Variants in CACNA1D observed in about 807,000 individuals in gnomAD.
CACNA1D encodes the protein voltage-dependent L-type calcium channel subunit alpha-1D.
A neutral mutation model predicts 257.1 loss-of-function variants in CACNA1D; 55 were observed. The observed-to-expected ratio is 0.21, with a 90% CI of 0.17 to 0.27. The LOEUF (loss-of-function observed/expected upper bound fraction) is 0.27. CACNA1D is among the 10% of genes least tolerant of loss of function. The pLI is 1.00. For missense variants in CACNA1D, 1,876 were observed against 2,784.0 expected (o/e 0.67, Z 7.34); for synonymous variants, 980 against 1,014.9 (o/e 0.97, Z 0.65).
At chr3:53,810,336 C>T (rs145492947) in intron 47 of CACNA1D, 38 bp downstream of exon 47, 83 of 1,595,750 alleles carry the variant, frequency 5.2e-5, no homozygotes, top group Non-Finnish European at 6.9e-5. Flanking sequence ...CAGGAAGCAC[C>T]AGGAGCAGCA....
intron 9 of CACNA1D, among the ~76,000 whole-genome samples, chr3:53,710,737 G>T (rs950957802): frequency 3.3e-5 from 5 of 152,186 alleles, no homozygotes; most frequent in Non-Finnish European, 7.3e-5. Context: ...GATTCGGCAT[G>T]AATATTCTTA....
At chr3:53,711,585 A>G (rs1221510465) in intron 9 of CACNA1D, among the ~76,000 whole-genome samples, 2 of 152,224 alleles carry the variant, frequency 1.3e-5, no homozygotes, top group Non-Finnish European at 2.9e-5. Flanking sequence ...AGTCTGTTTA[A>G]GGAGATTCAG....
At chr3:53,712,586 C>A (rs1051212676) in intron 9 of CACNA1D, among the ~76,000 whole-genome samples, 1 of 152,038 alleles carries the variant, frequency 6.6e-6, no homozygotes, top group African/African-American at 2.4e-5. Flanking sequence ...CAGGCCTGTA[C>A]GTCATGGTAC....
chr3:53,632,355 G>C (rs1576165277), intron 3 of CACNA1D, among the ~76,000 whole-genome samples: 1 of 152,216 alleles, frequency 6.6e-6, no homozygotes, highest in Non-Finnish European at 1.5e-5. Flanking sequence ...TAGAATTTAA[G>C]AGAGTTAGGG....
intron 20 of CACNA1D, among the ~76,000 whole-genome samples, chr3:53,737,417 A>G (rs2095069279): frequency 6.6e-6 from 1 of 152,196 alleles, no homozygotes; most frequent in Non-Finnish European, 1.5e-5. Context: ...CTACAGGAGG[A>G]TGTGCATAGA....
intron 30 of CACNA1D, chr3:53,766,218 CAG>C (rs1390033452): frequency 1.3e-5 from 2 of 152,280 alleles, no homozygotes; most frequent in Non-Finnish European, 2.9e-5. Flanking sequence ...AGGTGGCTGA[CAG>C]TCTCACTCAT....
intron 3 of CACNA1D, among the ~76,000 whole-genome samples, chr3:53,538,353 C>T (rs1483129567): frequency 1.3e-5 from 2 of 151,962 alleles, no homozygotes; most frequent in Non-Finnish European, 2.9e-5. Flanking sequence ...GATGGGGTTT[C>T]ACTGTGTTGC....
intron 3 of CACNA1D, among the ~76,000 whole-genome samples, chr3:53,571,358 T>G (rs906483468): frequency 6.6e-6 from 1 of 152,126 alleles, no homozygotes. Context: ...TCACAAACAC[T>G]TTTCTCCACC....
At chr3:53,726,747 A>T (rs1406636882) in intron 14 of CACNA1D, 132 bp from the exon 15 acceptor site, 8 of 982,474 alleles carry the variant, frequency 8.1e-6, no homozygotes, top group African/African-American at 1.6e-5. Flanking sequence ...GGGATAACAG[A>T]TGGATTTGTT....
chr3:53,590,947 T>G (rs903509474), intron 3 of CACNA1D, among the ~76,000 whole-genome samples: 1 of 152,218 alleles, frequency 6.6e-6, no homozygotes, highest in Non-Finnish European at 1.5e-5. Context: ...TTCTCTTATG[T>G]ATGGGCTTTC....
chr3:53,747,872 A>G (rs943965257), intron 26 of CACNA1D, among the ~76,000 whole-genome samples: 10 of 152,160 alleles, frequency 6.6e-5, no homozygotes. Flanking sequence ...TTTACTGAGC[A>G]CCTGCTCGCT....
At chr3:53,786,991 C>A (rs749413408) in intron 40 of CACNA1D, 39 bp downstream of exon 40, 1 of 1,607,872 alleles carries the variant, frequency 6.2e-7, no homozygotes, top group South Asian at 1.1e-5. Context: ...TTTTGACTAA[C>A]GATTTTACAA....
intron 39 of CACNA1D, among the ~76,000 whole-genome samples, chr3:53,784,675 A>G (rs188464814): frequency 6.6e-6 from 1 of 152,226 alleles, no homozygotes; most frequent in Admixed American, 6.5e-5. Flanking sequence ...CACAGAGAAG[A>G]CACAGAGCCC....
In CACNA1D at chr3:53,787,730, G is replaced by A. The variant is rs1180629456; in HGVS notation, c.4923+778G>A. On this transcript the variant is annotated intron_variant, in intron 40 of 47. Transcript: ENST00000350061. ...TGGAGGGGCAAGGAAGGCACCATGAGGACCAGCAGGAAGAGGGGCTAGGAA... is the reference window on the plus strand; with the variant it reads ...TGGAGGGGCAAGGAAGGCACCATGAAGACCAGCAGGAAGAGGGGCTAGGAA... Among the ~76,000 whole-genome samples the A allele has an allele frequency of 3.3e-5, 5 of 152,110 alleles. 1 individual carries two copies. The highest frequency in any genetic ancestry group is 4.8e-5 in the African/African-American group (2 of 41,420).
chr3:53,709,771 G>A (rs1218000012), intron 9 of CACNA1D, among the ~76,000 whole-genome samples: 2 of 152,204 alleles, frequency 1.3e-5, no homozygotes, highest in Non-Finnish European at 2.9e-5. Context: ...GACAGTAGTG[G>A]TGGTTGATTG....
chr3:53,799,476 G>A lies in CACNA1D; in HGVS notation c.4924-773G>A, dbSNP rs182677218. On this transcript the variant is annotated intron_variant, in intron 40 of 47. Coordinates refer to ENST00000350061, the MANE Select transcript of CACNA1D (RefSeq NM_001128840.3). ...AGGGGAGATGCAGAGTATCTGTGAC[G>A]GGCCCAGAGGGATCTACCAGGGGTG... Among the ~76,000 whole-genome samples the A allele has an allele frequency of 4.6e-3, 707 of 152,302 alleles. 6 individuals are homozygous for A. The highest frequency in any genetic ancestry group is 0.014 in the Middle Eastern group (4 of 292).
intron 3 of CACNA1D, among the ~76,000 whole-genome samples, chr3:53,588,924 T>C (rs2093261626): frequency 6.6e-6 from 1 of 152,212 alleles, no homozygotes; most frequent in Non-Finnish European, 1.5e-5. Context: ...CATTTTGTCC[T>C]GTTCACCTTT....
At chr3:53,794,513 G>C (rs992590104) in intron 40 of CACNA1D, among the ~76,000 whole-genome samples, 3 of 152,192 alleles carry the variant, frequency 2.0e-5, no homozygotes, top group Non-Finnish European at 4.4e-5. Context: ...CCACAGAAGA[G>C]TGGGAATCCT....
Position 53,600,562 on chromosome 3 carries a change from G to A in CACNA1D, c.484-50217G>A, listed in dbSNP as rs538423350. 3.9e-5 allele frequency among the ~76,000 whole-genome samples: 6 copies of A among 152,300 alleles called. No individual in the cohort carries two copies. In the South Asian group the frequency reaches 1.2e-3, roughly 32 times the overall value. ...CGTGCAGCTAGTAAATGGCAGAACT[G>A]GGATTTGAATTCTTGCTGACTATGG... On this transcript the variant is annotated intron_variant, in intron 3 of 47. Transcript: ENST00000350061.
Sources: gnomAD v4.1 joint callset for allele counts (sites outside exome capture counted in the v4.1 genomes callset) on GRCh38, gnomAD v4.1.1 for gene constraint, MANE v1.5 for transcripts, NCBI Gene and HGNC (gene_info 2026-07-23, HGNC 2026-07-21) for gene names.